FBXW7: variants seen among roughly 807,000 people sequenced by gnomAD.
The protein encoded by FBXW7 is F-box and WD repeat domain containing 7, also known as F-box/WD repeat-containing protein 7.
FBXW7 carries 11 observed loss-of-function variants against 86.3 expected under a neutral mutation model. The observed-to-expected ratio is 0.13, with a 90% CI of 0.08 to 0.21. FBXW7 has a LOEUF of 0.21. Among genes scored for constraint, FBXW7 ranks in the 10% least tolerant of loss-of-function variants. FBXW7 has a pLI of 1.00. For synonymous variants in FBXW7, 313 were observed against 297.9 expected (o/e 1.05, Z -0.52); for missense variants, 488 against 847.4 (o/e 0.58, Z 5.27).
intron 4 of FBXW7, among the ~76,000 whole-genome samples, chr4:152,405,028 G>A (rs554015630): frequency 1.3e-5 from 2 of 148,844 alleles, no homozygotes; most frequent in South Asian, 4.2e-4. Context: ...GGAGGTGGAG[G>A]CTGCAGTGAG....
chr4:152,427,227 A>G lies in FBXW7; in HGVS notation c.-119-14698T>C, dbSNP rs188200996. On this transcript the variant is annotated intron_variant, in intron 2 of 13. Coordinates refer to ENST00000281708, the MANE Select transcript of FBXW7 (RefSeq NM_001349798.2). ...TCAGTAAAGGAAGAATTCTGTAAAA[A>G]TATAATTGATCAAGAAATGCAACAT... 5.3e-4 allele frequency among the ~76,000 whole-genome samples: 80 copies of G among 152,340 alleles called. 2 individuals carry two copies. Among genetic ancestry groups the G allele is most frequent in the Admixed American group, 4.8e-3 (73 of 15,308 alleles).
chr4:152,480,818 G>A (rs1160597951), intron 2 of FBXW7, among the ~76,000 whole-genome samples: 1 of 152,156 alleles, frequency 6.6e-6, no homozygotes, highest in Non-Finnish European at 1.5e-5. Flanking sequence ...GGCTGAGAGA[G>A]GTGAAGAAGC....
chr4:152,350,622 G>C (rs1201079834), intron 4 of FBXW7, among the ~76,000 whole-genome samples: 7 of 151,764 alleles, frequency 4.6e-5, no homozygotes, highest in Non-Finnish European at 8.9e-5. Context: ...AGAGGGTAAA[G>C]AGCAGTATAA....
At chr4:152,500,934 T>C (rs1387783592) in intron 2 of FBXW7, among the ~76,000 whole-genome samples, 1 of 152,204 alleles carries the variant, frequency 6.6e-6, no homozygotes, top group East Asian at 1.9e-4. Flanking sequence ...TTAATATTAA[T>C]TATCACAACT....
At chr4:152,531,280 T>A (rs1750003923) in intron 2 of FBXW7, among the ~76,000 whole-genome samples, 1 of 152,206 alleles carries the variant, frequency 6.6e-6, no homozygotes, top group Non-Finnish European at 1.5e-5. Flanking sequence ...AAGGCCTCCA[T>A]ATGGCATATA....
intron 4 of FBXW7, among the ~76,000 whole-genome samples, chr4:152,391,059 C>A (rs578215175): frequency 6.6e-6 from 1 of 151,926 alleles, no homozygotes; most frequent in South Asian, 2.1e-4. Flanking sequence ...GTTTCTGATG[C>A]AATTATAAAT....
intron 2 of FBXW7, among the ~76,000 whole-genome samples, chr4:152,443,592 C>G (rs1741104177): frequency 2.0e-5 from 3 of 152,120 alleles, no homozygotes; most frequent in Admixed American, 6.6e-5. Context: ...TTTTAAGAAC[C>G]CAATTCTTTT....
At chr4:152,506,014 T>C (rs887621643) in intron 2 of FBXW7, among the ~76,000 whole-genome samples, 1 of 152,170 alleles carries the variant, frequency 6.6e-6, no homozygotes, top group Non-Finnish European at 1.5e-5. Flanking sequence ...GTGAATTTAT[T>C]TTTTTAAAGT....
chr4:152,483,768 C>A (rs1745102384), intron 2 of FBXW7, among the ~76,000 whole-genome samples: 1 of 151,906 alleles, frequency 6.6e-6, no homozygotes, highest in Non-Finnish European at 1.5e-5. Flanking sequence ...CACACACTTG[C>A]ATGTGTATAC....
At chr4:152,490,253 G>C (rs1031092041) in intron 2 of FBXW7, among the ~76,000 whole-genome samples, 2 of 152,060 alleles carry the variant, frequency 1.3e-5, no homozygotes, top group African/African-American at 4.8e-5. Flanking sequence ...GACAGAGATG[G>C]ATGGTTGCAA....
chr4:152,519,118 G>A (rs1396988106), intron 2 of FBXW7, among the ~76,000 whole-genome samples: 5 of 152,110 alleles, frequency 3.3e-5, no homozygotes, highest in Non-Finnish European at 7.4e-5. Context: ...CTAACACGGT[G>A]AAACCCCGTC....
intron 2 of FBXW7, among the ~76,000 whole-genome samples, chr4:152,512,362 C>A (rs1273235009): frequency 1.3e-5 from 2 of 152,102 alleles, no homozygotes; most frequent in African/African-American, 4.8e-5. Context: ...AGACTGAATG[C>A]AAACTAAATA....
chr4:152,516,122 T>G (rs1748466673), intron 2 of FBXW7, among the ~76,000 whole-genome samples: 2 of 152,210 alleles, frequency 1.3e-5, no homozygotes, highest in Admixed American at 1.3e-4. Context: ...AGTGAGAACC[T>G]GAGGAAAGAC....
intron 2 of FBXW7, among the ~76,000 whole-genome samples, chr4:152,459,496 C>T (rs937524365): frequency 4.0e-5 from 6 of 151,864 alleles, no homozygotes; most frequent in African/African-American, 1.2e-4. Flanking sequence ...TTATAGACAG[C>T]AATTAATTCA....
At chr4:152,475,358 T>G (rs559117047) in intron 2 of FBXW7, among the ~76,000 whole-genome samples, 1 of 152,052 alleles carries the variant, frequency 6.6e-6, no homozygotes, top group Admixed American at 6.6e-5. Context: ...GCCCAACAGT[T>G]TGAAGCTGCA....
chr4:152,329,947 G>A (rs1729396999), intron 9 of FBXW7, among the ~76,000 whole-genome samples, 162 bp from the exon 10 acceptor site: 2 of 151,780 alleles, frequency 1.3e-5, no homozygotes, highest in African/African-American at 2.4e-5. Context: ...GACGAATCCA[G>A]AATTAAACAT....
intron 2 of FBXW7, among the ~76,000 whole-genome samples, chr4:152,459,037 C>T (rs1212009434): frequency 1.3e-5 from 2 of 152,190 alleles, no homozygotes; most frequent in Non-Finnish European, 2.9e-5. Context: ...CTAGCTACTT[C>T]CTCTCTGTAT....
rs550385116 is a variant in FBXW7 at position 152,404,019 on chromosome 4, T to C, written c.501+7284A>G. ...ATTACTCTTCTAATAACGTGTTAAGTTGATCTTAGAAAATTGCCAGGGTAA... is the reference window on the plus strand; with the variant it reads ...ATTACTCTTCTAATAACGTGTTAAGCTGATCTTAGAAAATTGCCAGGGTAA... On this transcript the variant is annotated intron_variant, in intron 4 of 13. Transcript: ENST00000281708. 2.0e-5 allele frequency among the ~76,000 whole-genome samples: 3 copies of C among 152,348 alleles called. No individual in the cohort carries two copies. The East Asian group carries it at 5.8e-4, about 29-fold the overall frequency.
At chr4:152,426,850 A>G (rs1739432808) in intron 2 of FBXW7, among the ~76,000 whole-genome samples, 1 of 152,246 alleles carries the variant, frequency 6.6e-6, no homozygotes, top group Non-Finnish European at 1.5e-5. Context: ...AAAACCGCAC[A>G]GAATAGAGAC....
Sources: gnomAD v4.1 joint callset for allele counts (sites outside exome capture counted in the v4.1 genomes callset) on GRCh38, gnomAD v4.1.1 for gene constraint, MANE v1.5 for transcripts, NCBI Gene and HGNC (gene_info 2026-07-23, HGNC 2026-07-21) for gene names.